PRKG1: variants seen among roughly 807,000 people sequenced by gnomAD.
The protein encoded by PRKG1 is cGMP-dependent protein kinase 1.
A neutral mutation model predicts 88.1 loss-of-function variants in PRKG1; 35 were observed. That is an observed-to-expected ratio of 0.40 (90% CI 0.30 to 0.53). PRKG1 has a LOEUF of 0.53. Among genes scored for constraint, PRKG1 ranks in the 20% least tolerant of loss-of-function variants. PRKG1 has a pLI of 0.59. For missense variants in PRKG1, 540 were observed against 839.8 expected (o/e 0.64, Z 4.41); for synonymous variants, 303 against 292.5 (o/e 1.04, Z -0.37).
intron 3 of PRKG1, among the ~76,000 whole-genome samples, chr10:51,755,641 TA>T (rs548236628): frequency 1.8e-3 from 276 of 152,352 alleles, no homozygotes; most frequent in Non-Finnish European, 3.2e-3. Context: ...TATTTGTGGT[TA>T]AATGGAATCT....
At chr10:51,521,473 G>A (rs1841735337) in intron 3 of PRKG1, among the ~76,000 whole-genome samples, 1 of 152,172 alleles carries the variant, frequency 6.6e-6, no homozygotes, top group Non-Finnish European at 1.5e-5. Flanking sequence ...TGACTAAACT[G>A]TTGGGCCACA....
At chr10:51,793,187 A>T (rs1175178125) in intron 3 of PRKG1, among the ~76,000 whole-genome samples, 1 of 151,672 alleles carries the variant, frequency 6.6e-6, no homozygotes, top group Non-Finnish European at 1.5e-5. Flanking sequence ...AAACAGAAAA[A>T]CAATATGACC....
chr10:52,145,114 T>C (rs1226945576), intron 8 of PRKG1, among the ~76,000 whole-genome samples: 1 of 152,186 alleles, frequency 6.6e-6, no homozygotes, highest in Non-Finnish European at 1.5e-5. Context: ...TTTTGTTTTG[T>C]TTTACTTTTT....
chr10:51,528,603 C>T (rs1475362), intron 3 of PRKG1, among the ~76,000 whole-genome samples: 80,018 of 148,256 alleles, frequency 0.54, 23,304 homozygotes, highest in Non-Finnish European at 0.66. Flanking sequence ...AGGTGAATCC[C>T]GAGTTCCTCT....
intron 5 of PRKG1, among the ~76,000 whole-genome samples, chr10:52,017,283 T>G (rs10823964): frequency 0.51 from 77,506 of 151,886 alleles, 19,946 homozygotes; most frequent in East Asian, 0.59. Flanking sequence ...ATGGAGATTT[T>G]ACTGTATTTA....
chr10:51,496,834 G>A (rs1181464607), intron 3 of PRKG1, among the ~76,000 whole-genome samples: 1 of 152,146 alleles, frequency 6.6e-6, no homozygotes, highest in Admixed American at 6.5e-5. Flanking sequence ...TCACTTTGAA[G>A]CTATATTCTG....
At chr10:51,410,387 A>G (rs1838052751) in intron 2 of PRKG1, among the ~76,000 whole-genome samples, 1 of 152,016 alleles carries the variant, frequency 6.6e-6, no homozygotes, top group Non-Finnish European at 1.5e-5. Flanking sequence ...TCCGAGTCCC[A>G]AAACTGAAGA....
chr10:51,465,005 G>A (rs1055909229), intron 2 of PRKG1, among the ~76,000 whole-genome samples: 16 of 152,014 alleles, frequency 1.1e-4, no homozygotes, highest in Non-Finnish European at 2.1e-4. Flanking sequence ...AATGCCATAT[G>A]AAAATAGGAA....
At chr10:51,791,549 A>T (rs1838869789) in intron 3 of PRKG1, among the ~76,000 whole-genome samples, 1 of 152,032 alleles carries the variant, frequency 6.6e-6, no homozygotes, top group African/African-American at 2.4e-5. Context: ...CCAGTCATTT[A>T]TTTAATCCGA....
chr10:52,100,059 G>A (rs1273798067), intron 7 of PRKG1, among the ~76,000 whole-genome samples: 1 of 152,138 alleles, frequency 6.6e-6, no homozygotes, highest in Non-Finnish European at 1.5e-5. Context: ...AAAAATGTCA[G>A]TGGCACTTTC....
chr10:51,604,837 T>G (rs1035222870), intron 3 of PRKG1, among the ~76,000 whole-genome samples: 3 of 152,216 alleles, frequency 2.0e-5, no homozygotes, highest in Non-Finnish European at 4.4e-5. Context: ...TACAGTGCGC[T>G]CTTTCAGCTA....
At chr10:51,925,770 C>T (rs2132990501) in intron 5 of PRKG1, among the ~76,000 whole-genome samples, 1 of 152,190 alleles carries the variant, frequency 6.6e-6, no homozygotes, top group Non-Finnish European at 1.5e-5. Flanking sequence ...AACTGAACCC[C>T]ATAGTCTGTC....
intron 3 of PRKG1, among the ~76,000 whole-genome samples, chr10:51,610,416 C>T (rs1838877148): frequency 6.6e-6 from 1 of 152,124 alleles, no homozygotes; most frequent in African/African-American, 2.4e-5. Context: ...GCTTATTTCC[C>T]TTAACATAAT....
chr10:52,038,575 T>C (rs943307359), intron 5 of PRKG1, among the ~76,000 whole-genome samples: 2 of 149,852 alleles, frequency 1.3e-5, no homozygotes, highest in East Asian at 2.0e-4. Context: ...GGTTGAGGGG[T>C]ACTTGCCCCT....
chr10:52,294,218 A>G lies in PRKG1; in HGVS notation c.*318A>G. On this transcript the variant is annotated 3_prime_UTR_variant, in exon 18 of 18. Transcript: ENST00000373980. ...ATTATAATTTGAAAGACTGTAGGAAACACTTCAATGTAGTATAAGAGTCTG... is the reference window on the plus strand; with the variant it reads ...ATTATAATTTGAAAGACTGTAGGAAGCACTTCAATGTAGTATAAGAGTCTG... 1 of 234,794 alleles carries G rather than the reference A, an allele frequency of 4.3e-6. No individual in the cohort carries two copies. Among genetic ancestry groups the G allele is most frequent in the Non-Finnish European group, 8.3e-6 (1 of 120,446 alleles). 14.5% of individuals were successfully genotyped at this position (234,794 alleles called of 1,614,324 possible). A position where few individuals can be genotyped will look rare whatever the true frequency, so the allele number is the denominator to read the frequency against.
chr10:51,370,841 C>T (rs1842691144), intron 2 of PRKG1, among the ~76,000 whole-genome samples: 1 of 151,822 alleles, frequency 6.6e-6, no homozygotes, highest in Admixed American at 6.6e-5. Context: ...ATGCCCAAAG[C>T]CCATGCCAGT....
intron 3 of PRKG1, among the ~76,000 whole-genome samples, chr10:51,647,200 G>T (rs1839936594): frequency 1.3e-5 from 2 of 150,976 alleles, no homozygotes; most frequent in African/African-American, 4.9e-5. Flanking sequence ...GAGATTGCAA[G>T]GTGTCTACAA....
intron 10 of PRKG1, 65 bp from the exon 11 acceptor site, chr10:52,271,284 TG>T: frequency 6.6e-7 from 1 of 1,519,818 alleles, no homozygotes; most frequent in Non-Finnish European, 9.0e-7. Context: ...CCTGTTAATT[TG>T]GGGATAATAA....
intron 2 of PRKG1, among the ~76,000 whole-genome samples, chr10:51,416,420 CAGAA>C (rs1554806609): frequency 6.6e-6 from 1 of 152,082 alleles, no homozygotes. Flanking sequence ...GGATCTTGAT[CAGAA>C]ACAATTAGAT....
Sources: gnomAD v4.1 joint callset for allele counts (sites outside exome capture counted in the v4.1 genomes callset) on GRCh38, gnomAD v4.1.1 for gene constraint, MANE v1.5 for transcripts, NCBI Gene and HGNC (gene_info 2026-07-23, HGNC 2026-07-21) for gene names.